SMYD3: variants seen among roughly 807,000 people sequenced by gnomAD.
SMYD3 encodes the protein histone-lysine N-methyltransferase SMYD3.
Under a neutral mutation model 57.7 loss-of-function variants are expected in SMYD3, and 36 were observed. The ratio of observed to expected loss-of-function variants is 0.62; its 90% CI spans 0.48 to 0.82. The LOEUF (loss-of-function observed/expected upper bound fraction) is 0.82, where lower values mean the gene tolerates loss of function less well. SMYD3 is among the 40% of genes least tolerant of loss of function. SMYD3 has a pLI of 0.00. For missense variants in SMYD3, 515 were observed against 538.8 expected (o/e 0.96, Z 0.44); for synonymous variants, 211 against 195.0 (o/e 1.08, Z -0.68).
At chr1:245,781,592 G>A (rs1377914882) in intron 10 of SMYD3, among the ~76,000 whole-genome samples, 2 of 152,132 alleles carry the variant, frequency 1.3e-5, no homozygotes, top group Non-Finnish European at 2.9e-5. Context: ...CAATTTGCAA[G>A]GTAGTTGCTA....
chr1:245,749,679 CG>C lies in SMYD3; in HGVS notation c.1186-16del. 1 of 1,607,414 alleles carries C rather than the reference CG, an allele frequency of 6.2e-7. No homozygotes were observed. Among genetic ancestry groups the C allele is most frequent in the Non-Finnish European group, 8.5e-7 (1 of 1,174,108 alleles). On this transcript the variant is annotated splice_polypyrimidine_tract_variant and intron_variant, in intron 11 of 11. Transcript: ENST00000490107. The stretch of plus-strand genomic sequence containing the variant: ...ATATCAAAAGCCTAAAGAGAAAGGA[CG>C]GAAGAGAGATTAGACCCCAAAATAG...
chr1:246,194,749 A>G (rs1177504116), intron 5 of SMYD3, among the ~76,000 whole-genome samples: 1 of 152,270 alleles, frequency 6.6e-6, no homozygotes, highest in Non-Finnish European at 1.5e-5. Context: ...AGTGTTTGAT[A>G]CATGAAAACG....
intron 8 of SMYD3, among the ~76,000 whole-genome samples, chr1:245,880,716 G>A (rs945374994): frequency 6.6e-6 from 1 of 152,204 alleles, no homozygotes; most frequent in African/African-American, 2.4e-5. Context: ...TCAGAAACCT[G>A]AGTGCTCTCT....
chr1:245,871,646 C>T (rs1004709776), intron 8 of SMYD3, among the ~76,000 whole-genome samples: 1 of 152,216 alleles, frequency 6.6e-6, no homozygotes, highest in African/African-American at 2.4e-5. Context: ...AGATGTGGAA[C>T]TGAATCCCTG....
At chr1:246,008,127 T>C (rs1273228212) in intron 5 of SMYD3, among the ~76,000 whole-genome samples, 1 of 152,090 alleles carries the variant, frequency 6.6e-6, no homozygotes, top group Non-Finnish European at 1.5e-5. Flanking sequence ...AAAAATGAAG[T>C]CCCTTCATTT....
At chr1:245,809,844 A>G (rs2048365268) in intron 10 of SMYD3, among the ~76,000 whole-genome samples, 1 of 152,186 alleles carries the variant, frequency 6.6e-6, no homozygotes, top group Non-Finnish European at 1.5e-5. Flanking sequence ...TATCCTTGAC[A>G]ACTTATTATT....
In SMYD3 at chr1:245,822,274, A is replaced by T. The variant is rs528691714; in HGVS notation, c.1076+36222T>A. Among the ~76,000 whole-genome samples the T allele has an allele frequency of 7.0e-4, 106 of 151,632 alleles. 1 individual carries two copies. In the South Asian group the frequency reaches 7.1e-3, roughly 10 times the overall value. On this transcript the variant is annotated intron_variant, in intron 10 of 11. Transcript: ENST00000490107. ...GACATGGATGAAATTGGAAATCATCATTCTCAGTAAACTATCGCAAGAACA... is the reference window on the plus strand; with the variant it reads ...GACATGGATGAAATTGGAAATCATCTTTCTCAGTAAACTATCGCAAGAACA...
intron 8 of SMYD3, among the ~76,000 whole-genome samples, chr1:245,880,269 A>T (rs892680714): frequency 1.3e-5 from 2 of 152,226 alleles, no homozygotes; most frequent in African/African-American, 4.8e-5. Context: ...TATTAACACC[A>T]TATTGTTCGA....
At chr1:245,934,393 T>A (rs962275072) in intron 5 of SMYD3, among the ~76,000 whole-genome samples, 7 of 151,404 alleles carry the variant, frequency 4.6e-5, no homozygotes, top group Non-Finnish European at 1.0e-4. Context: ...AATCAGGGTA[T>A]ATTTTTCTCT....
chr1:246,472,273 GAA>G (rs916101608), intron 1 of SMYD3, among the ~76,000 whole-genome samples: 1 of 152,046 alleles, frequency 6.6e-6, no homozygotes, highest in Non-Finnish European at 1.5e-5. Context: ...AAAGAAAACA[GAA>G]AAGTGACAGG....
chr1:245,961,586 G>A (rs2058009522), intron 5 of SMYD3, among the ~76,000 whole-genome samples: 2 of 152,232 alleles, frequency 1.3e-5, no homozygotes, highest in South Asian at 2.1e-4. Context: ...GTTTATGTCA[G>A]TAATGGAAAA....
intron 5 of SMYD3, among the ~76,000 whole-genome samples, chr1:245,999,177 A>G (rs1245603988): frequency 6.6e-6 from 1 of 152,216 alleles, no homozygotes; most frequent in Non-Finnish European, 1.5e-5. Flanking sequence ...AAAACCCACA[A>G]AAACAACCAA....
At chr1:245,983,883 A>G (rs1214880637) in intron 5 of SMYD3, among the ~76,000 whole-genome samples, 1 of 152,182 alleles carries the variant, frequency 6.6e-6, no homozygotes, top group Non-Finnish European at 1.5e-5. Context: ...GTAATGAGGG[A>G]GAGAATAAAG....
At chr1:246,489,425 T>C (rs1043631794) in intron 1 of SMYD3, among the ~76,000 whole-genome samples, 3 of 152,202 alleles carry the variant, frequency 2.0e-5, no homozygotes, top group Non-Finnish European at 2.9e-5. Context: ...GTGTGTTGTC[T>C]CATTTACTCC....
intron 5 of SMYD3, among the ~76,000 whole-genome samples, chr1:246,093,533 T>C (rs776351967): frequency 6.6e-6 from 1 of 152,204 alleles, no homozygotes; most frequent in Non-Finnish European, 1.5e-5. Flanking sequence ...GGCAAATATG[T>C]TATGTTCTCA....
At chr1:246,242,037 C>A (rs932824133) in intron 5 of SMYD3, among the ~76,000 whole-genome samples, 19 of 152,022 alleles carry the variant, frequency 1.2e-4, no homozygotes, top group Non-Finnish European at 2.2e-4. Context: ...TTCCAAAAAA[C>A]CGGCTCCTGG....
intron 2 of SMYD3, among the ~76,000 whole-genome samples, chr1:246,337,152 A>AT (rs1307987432): frequency 6.6e-6 from 1 of 152,228 alleles, no homozygotes; most frequent in Non-Finnish European, 1.5e-5. Context: ...TTGACTAGCA[A>AT]TTAGCAATTA....
chr1:246,392,936 C>A (rs1204258069), intron 1 of SMYD3, among the ~76,000 whole-genome samples: 1 of 151,928 alleles, frequency 6.6e-6, no homozygotes, highest in Non-Finnish European at 1.5e-5. Flanking sequence ...ACCACAAAGA[C>A]AGGCGACTTC....
rs1294841801 is a variant in SMYD3, at chr1:245,793,081, C to CA, written c.1077-28933_1077-28932insT. ...ATCCCAGCACTTTGGGAGGCCGAGG[C>CA]GGGTGATCACGAAATCAGGAGATCA... On this transcript the variant is annotated intron_variant, in intron 10 of 11. Coordinates refer to ENST00000490107, the MANE Select transcript of SMYD3 (RefSeq NM_001167740.2). Among the ~76,000 whole-genome samples, 38 of 62,602 alleles carry CA rather than the reference C, an allele frequency of 6.1e-4. 1 individual carries two copies. The East Asian group carries it at 7.5e-3, about 12-fold the overall frequency. 41.1% of individuals were successfully genotyped at this position (62,602 alleles called of 152,430 possible). A position where few individuals can be genotyped will look rare whatever the true frequency, so the allele number is the denominator to read the frequency against.
Sources: allele counts gnomAD v4.1 joint callset (sites outside exome capture counted in the v4.1 genomes callset), GRCh38; gene constraint gnomAD v4.1.1; transcripts MANE v1.5; gene names NCBI Gene and HGNC (gene_info 2026-07-23, HGNC 2026-07-21).